PRKN: variants seen among roughly 807,000 people sequenced by gnomAD.
PRKN encodes the protein E3 ubiquitin-protein ligase parkin.
Under a neutral mutation model 59.5 loss-of-function variants are expected in PRKN, and 56 were observed. That is an observed-to-expected ratio of 0.94 (90% CI 0.76 to 1.18). The LOEUF (loss-of-function observed/expected upper bound fraction) is 1.18. Among genes scored for constraint, PRKN ranks in the 50% most tolerant of loss-of-function variants. PRKN has a pLI of 0.00. For missense variants in PRKN, 657 were observed against 596.4 expected (o/e 1.10, Z -1.06); for synonymous variants, 250 against 222.1 (o/e 1.13, Z -1.12).
chr6:162,192,718 G>A (rs1784335908), intron 4 of PRKN, among the ~76,000 whole-genome samples: 1 of 151,790 alleles, frequency 6.6e-6, no homozygotes, highest in African/African-American at 2.4e-5. Context: ...TGGAAGTAAT[G>A]CAATAAGTAA....
At chr6:161,455,855 C>G (rs1208208883) in intron 9 of PRKN, among the ~76,000 whole-genome samples, 2 of 142,924 alleles carry the variant, frequency 1.4e-5, no homozygotes, top group African/African-American at 5.4e-5. Context: ...CAGCAAGACT[C>G]CGTCTCAAAA....
intron 4 of PRKN, among the ~76,000 whole-genome samples, 166 bp from the exon 5 acceptor site, chr6:162,054,340 G>C (rs1777772205): frequency 1.3e-5 from 2 of 152,128 alleles, no homozygotes; most frequent in South Asian, 2.1e-4. Context: ...CCCTTTCAAG[G>C]GATGTGCTAG....
chr6:162,050,478 T>A (rs1170509084), intron 5 of PRKN, among the ~76,000 whole-genome samples: 2 of 151,672 alleles, frequency 1.3e-5, no homozygotes, highest in Non-Finnish European at 2.9e-5. Flanking sequence ...CCCTCTCTTT[T>A]TTTTTCATCT....
chr6:161,911,856 C>T lies in PRKN; in HGVS notation c.734+61446G>A, dbSNP rs192585704. 3.9e-3 allele frequency among the ~76,000 whole-genome samples: 593 copies of T among 151,978 alleles called. 5 individuals are homozygous for T. The highest frequency in any genetic ancestry group is 0.014 in the African/African-American group (572 of 41,482). On this transcript the variant is annotated intron_variant, in intron 6 of 11. Transcript: ENST00000366898. ...TCCCAATAAAATAAAAATTCAAGTG[C>T]GAAAAATCAAAGAAAGCATCAAAAG...
chr6:161,938,619 G>T (rs988922778), intron 6 of PRKN, among the ~76,000 whole-genome samples: 1 of 152,180 alleles, frequency 6.6e-6, no homozygotes, highest in African/African-American at 2.4e-5. Context: ...AAAGTAAGAA[G>T]AAATTTTGAA....
At chr6:162,568,302 G>A in intron 1 of PRKN, 1 of 280,348 alleles carries the variant, frequency 3.6e-6, no homozygotes, top group Non-Finnish European at 6.9e-6. Context: ...TCTGCACAGT[G>A]ACCAAGAAGC....
At chr6:162,496,778 G>A (rs1404874752) in intron 1 of PRKN, among the ~76,000 whole-genome samples, 3 of 152,202 alleles carry the variant, frequency 2.0e-5, no homozygotes, top group Admixed American at 1.3e-4. Flanking sequence ...GCAGAAAAGA[G>A]ACACTTTAGA....
intron 6 of PRKN, among the ~76,000 whole-genome samples, chr6:161,950,175 G>A (rs1779933761): frequency 1.3e-5 from 2 of 152,212 alleles, no homozygotes. Flanking sequence ...TAGTGGAATG[G>A]TGACTGATGG....
At chr6:162,131,891 G>T (rs1781376383) in intron 4 of PRKN, among the ~76,000 whole-genome samples, 2 of 152,154 alleles carry the variant, frequency 1.3e-5, no homozygotes, top group African/African-American at 4.8e-5. Flanking sequence ...ATGGGGTGGG[G>T]TTGGCAAGTG....
rs141440263 is a variant in PRKN at position 162,569,553 on chromosome 6, C to A, written c.8-126080G>T. Reference sequence around the variant, plus strand: ...GCCTATGCAGATGGTCTGAGCTTGGCCTATGGGGGTCTCACAAGCCCTGGC... The same window carrying A: ...GCCTATGCAGATGGTCTGAGCTTGGACTATGGGGGTCTCACAAGCCCTGGC... On this transcript the variant is annotated intron_variant, in intron 1 of 11. Coordinates refer to ENST00000366898, the MANE Select transcript of PRKN (RefSeq NM_004562.3). 2.9e-4 allele frequency: 208 copies of A among 717,558 alleles called. No individual in the cohort carries two copies. The African/African-American group carries it at 3.2e-3, about 11-fold the overall frequency. 44.4% of individuals were successfully genotyped at this position (717,558 alleles called of 1,614,324 possible).
chr6:162,441,478 G>A (rs1790047026), intron 2 of PRKN, among the ~76,000 whole-genome samples: 1 of 152,106 alleles, frequency 6.6e-6, no homozygotes, highest in Non-Finnish European at 1.5e-5. Flanking sequence ...CCAACCAGAT[G>A]TGTTTTCTCC....
intron 4 of PRKN, among the ~76,000 whole-genome samples, chr6:162,111,805 C>T (rs1457837115): frequency 6.6e-6 from 1 of 152,156 alleles, no homozygotes; most frequent in Non-Finnish European, 1.5e-5. Context: ...TGCCAAGCCT[C>T]TGAGCAGCTG....
chr6:161,873,918 T>A (rs1316340965), intron 6 of PRKN, among the ~76,000 whole-genome samples: 2 of 124,482 alleles, frequency 1.6e-5, no homozygotes, highest in African/African-American at 6.7e-5. Context: ...AATATATAAA[T>A]ATATAAAATA....
chr6:161,994,521 A>G (rs1035082189), intron 5 of PRKN, among the ~76,000 whole-genome samples: 6 of 152,170 alleles, frequency 3.9e-5, no homozygotes, highest in Non-Finnish European at 7.4e-5. Context: ...GGAAAAAAGA[A>G]AGTCAAGTTG....
chr6:161,549,119 T>C lies in PRKN; in HGVS notation c.934-116A>G. The C allele has an allele frequency of 9.6e-6, 1 of 104,274 alleles. No homozygotes were observed. Among genetic ancestry groups the C allele is most frequent in the East Asian group, 2.6e-4 (1 of 3,850 alleles). The allele number at this position is 104,274 out of a possible 1,614,324, so 6.5% of individuals were successfully genotyped here. On this transcript the variant is annotated intron_variant, in intron 8 of 11. Transcript: ENST00000366898. The surrounding 1 kb of genome is among the most constrained non-coding windows in gnomAD (Gnocchi z 6.0). ...TAACCAGTTTCAGTAAAATAATGCA[T>C]GTGTGTGTGTGTGTGTGTGTGTAGG...
chr6:161,676,866 A>G (rs79026473), intron 7 of PRKN, among the ~76,000 whole-genome samples: 1 of 152,182 alleles, frequency 6.6e-6, no homozygotes, highest in Non-Finnish European at 1.5e-5. Flanking sequence ...TGGCTCTGTC[A>G]GACTACAGGG....
At chr6:162,187,102 G>A (rs9458477) in intron 4 of PRKN, among the ~76,000 whole-genome samples, 2,947 of 152,178 alleles carry the variant, frequency 0.019, 87 homozygotes, top group African/African-American at 0.066. Context: ...AATGCCCAAT[G>A]GAAAATGAAA....
At chr6:162,462,379 T>C (rs1287194966) in intron 1 of PRKN, among the ~76,000 whole-genome samples, 2 of 152,200 alleles carry the variant, frequency 1.3e-5, no homozygotes, top group Non-Finnish European at 2.9e-5. Context: ...TTGAGAGTGA[T>C]TGTATATGGT....
chr6:161,991,036 C>T (rs1781626143), intron 5 of PRKN, among the ~76,000 whole-genome samples: 1 of 152,080 alleles, frequency 6.6e-6, no homozygotes, highest in Admixed American at 6.6e-5. Context: ...AAGCTATCCC[C>T]ATCAGACAAA....
Sources: gnomAD v4.1 joint callset for allele counts (sites outside exome capture counted in the v4.1 genomes callset) on GRCh38, gnomAD v4.1.1 for gene constraint, Gnocchi (gnomAD v3.1) non-coding constraint, MANE v1.5 for transcripts, NCBI Gene and HGNC (gene_info 2026-07-23, HGNC 2026-07-21) for gene names.